Variants in AIM2 observed in about 807,000 individuals in gnomAD.
AIM2 encodes absent in melanoma 2.
AIM2 carries 30 observed loss-of-function variants against 27.7 expected under a neutral mutation model. That is an observed-to-expected ratio of 1.08 (90% CI 0.81 to 1.47). The LOEUF is 1.47. Ranked by LOEUF, AIM2 falls within the 40% of genes most tolerant of loss-of-function variation. The pLI is 0.00. For synonymous variants in AIM2, 141 were observed against 145.3 expected, an observed-to-expected ratio of 0.97 and a Z score of 0.21; for missense variants, 358 against 411.3, an observed-to-expected ratio of 0.87 and a Z score of 1.12.
At chr1:159,143,568 C>T (rs977993174), upstream of AIM2, among the ~76,000 whole-genome samples, 19 of 144,792 alleles carry the variant, frequency 1.3e-4, no homozygotes, top group Non-Finnish European at 7.5e-5. Flanking sequence ...TACTTACTGC[C>T]AGGCTCAGTG....
At chr1:159,080,441 G>C (rs1408011274), upstream of AIM2, among the ~76,000 whole-genome samples, 2 of 152,160 alleles carry the variant, frequency 1.3e-5, 1 homozygote, top group Non-Finnish European at 2.9e-5. Context: ...ATCATATAAA[G>C]AATTGTTCAG....
Position 159,074,306 on chromosome 1 carries a change from G to A in AIM2, c.-20-787C>T, listed in dbSNP as rs530651398. 3.3e-5 allele frequency among the ~76,000 whole-genome samples: 5 copies of A among 152,082 alleles called. No homozygotes were observed. The South Asian group carries it at 8.3e-4, about 25-fold the overall frequency. On this transcript the variant is annotated intron_variant, in intron 1 of 5. Coordinates refer to ENST00000368130, the MANE Select transcript of AIM2 (RefSeq NM_004833.3). ...TTATGTCTTCCTGTAAGAATTTTAC[G>A]GTTTGATCATTTCACATTTGGCTGT...
intron 1 of AIM2, among the ~76,000 whole-genome samples, chr1:159,105,030 C>T (rs1420247017): frequency 6.6e-6 from 1 of 152,230 alleles, no homozygotes; most frequent in Admixed American, 6.5e-5. Context: ...GCTCATTCCA[C>T]CCACTCAGCC....
At position 159,068,828 on chromosome 1, in the gene AIM2, T is replaced by TA. The variant is rs202237247; in HGVS notation, c.263-128dup. On this transcript the variant is annotated intron_variant, in intron 2 of 5. Coordinates refer to ENST00000368130, the MANE Select transcript of AIM2 (RefSeq NM_004833.3). Reference sequence around the variant, plus strand: ...ATCTTCAAGAACAGCTAATTTTTCTTAAAAAAAAATCATATTTTAAAATGA... The same window carrying TA: ...ATCTTCAAGAACAGCTAATTTTTCTTAAAAAAAAAATCATATTTTAAAATGA... 4,970 of 989,504 alleles carry TA rather than the reference T, an allele frequency of 5.0e-3. 35 individuals are homozygous for TA. Among genetic ancestry groups the TA allele is most frequent in the African/African-American group, 0.031 (1,778 of 58,150 alleles). 61.3% of individuals were successfully genotyped at this position (989,504 alleles called of 1,614,324 possible).
At chr1:159,095,102 G>C (rs1307711652) in intron 1 of AIM2, among the ~76,000 whole-genome samples, 1 of 152,108 alleles carries the variant, frequency 6.6e-6, no homozygotes, top group African/African-American at 2.4e-5. Context: ...AAGCACTACA[G>C]GTATTAACTC....
intron 1 of AIM2, among the ~76,000 whole-genome samples, chr1:159,113,527 G>A (rs1026758857): frequency 6.6e-6 from 1 of 152,138 alleles, no homozygotes; most frequent in South Asian, 2.1e-4. Flanking sequence ...AATAAAAGAC[G>A]ACTTCTATAC....
chr1:159,069,326 C>T (rs1656250552), intron 2 of AIM2, among the ~76,000 whole-genome samples: 1 of 151,986 alleles, frequency 6.6e-6, no homozygotes, highest in African/African-American at 2.4e-5. Flanking sequence ...TACAAACATA[C>T]AAAGATAAGT....
intron 4 of AIM2, 56 bp from the exon 5 acceptor site, chr1:159,063,730 C>T: frequency 6.6e-7 from 1 of 1,526,462 alleles, no homozygotes; most frequent in Non-Finnish European, 9.0e-7. Flanking sequence ...AATGCCGCAT[C>T]AGTCACACAT....
Position 159,075,820 on chromosome 1 carries a change from G to T in AIM2, c.-21+813C>A, listed in dbSNP as rs572921174. Among the ~76,000 whole-genome samples, 9 of 152,238 alleles carry T rather than the reference G, an allele frequency of 5.9e-5. No individual in the cohort carries two copies. The East Asian group carries it at 1.7e-3, about 29-fold the overall frequency. On this transcript the variant is annotated intron_variant, in intron 1 of 5. Coordinates refer to ENST00000368130, the MANE Select transcript of AIM2 (RefSeq NM_004833.3). ...CAGAGCAGCAACATATAAAGTGGAAGAAATAAGCCAAAGAACAGGAAAAGA... is the reference window on the plus strand; with the variant it reads ...CAGAGCAGCAACATATAAAGTGGAATAAATAAGCCAAAGAACAGGAAAAGA...
At chr1:159,097,291 A>G (rs559490813) in intron 1 of AIM2, among the ~76,000 whole-genome samples, 1 of 152,170 alleles carries the variant, frequency 6.6e-6, no homozygotes, top group African/African-American at 2.4e-5. Context: ...ATCTCCCCAA[A>G]TTTCATAACA....
chr1:159,068,106 G>A (rs1656185491), intron 3 of AIM2, among the ~76,000 whole-genome samples: 1 of 152,130 alleles, frequency 6.6e-6, no homozygotes, highest in African/African-American at 2.4e-5. Context: ...GCCTGGGCCT[G>A]TACAAACCAC....
At position 159,112,428 on chromosome 1, in the gene AIM2, A is replaced by C. The variant is rs186245427; in HGVS notation, c.-16+28003T>G. Among the ~76,000 whole-genome samples, 20 of 152,326 alleles carry C rather than the reference A, an allele frequency of 1.3e-4. No individual in the cohort carries two copies. The East Asian group carries it at 3.7e-3, about 28-fold the overall frequency. The stretch of plus-strand genomic sequence containing the variant: ...CTCATTAAATAGACTTAACAGATAT[A>C]AACAAAAATTGAGAGACCTCAAGGA... On this transcript the variant is annotated intron_variant, in intron 1 of 2. Coordinates refer to the AIM2 transcript ENST00000368129.
At chr1:159,077,158 A>T (rs1285020973), upstream of AIM2, among the ~76,000 whole-genome samples, 2 of 152,246 alleles carry the variant, frequency 1.3e-5, no homozygotes, top group African/African-American at 2.4e-5. Flanking sequence ...GAAAGTATAG[A>T]CATTTTATTG....
intron 4 of AIM2, among the ~76,000 whole-genome samples, chr1:159,064,781 A>G (rs2101964456): frequency 6.6e-6 from 1 of 152,320 alleles, no homozygotes; most frequent in East Asian, 1.9e-4. Flanking sequence ...GAGCTATTTA[A>G]AACAAGTCCA....
chr1:159,073,228 C>G lies in AIM2; in HGVS notation c.262+10G>C. ...AAAGGGACGGGGCAGGTGTGGAACT[C>G]CCACATTACCTTTCTCCTTCTCCTC... On this transcript the variant is annotated intron_variant, in intron 2 of 5. Coordinates refer to ENST00000368130, the MANE Select transcript of AIM2 (RefSeq NM_004833.3). 1 of 1,613,734 alleles carries G rather than the reference C, an allele frequency of 6.2e-7. No homozygotes were observed.
intron 1 of AIM2, among the ~76,000 whole-genome samples, chr1:159,106,330 C>A (rs1327616506): frequency 2.6e-5 from 4 of 152,236 alleles, no homozygotes; most frequent in Non-Finnish European, 5.9e-5. Context: ...CTGCTACAGC[C>A]AGCATCTTCA....
intron 1 of AIM2, among the ~76,000 whole-genome samples, chr1:159,102,337 G>A (rs1657334247): frequency 6.6e-6 from 1 of 152,366 alleles, no homozygotes; most frequent in Middle Eastern, 3.4e-3. Flanking sequence ...CTAGGCAGAG[G>A]TGTGCTGCAG....
At chr1:159,082,945 T>C (rs942514334) in intron 1 of AIM2, among the ~76,000 whole-genome samples, 1 of 152,176 alleles carries the variant, frequency 6.6e-6, no homozygotes, top group East Asian at 1.9e-4. Flanking sequence ...GTGTGAGATA[T>C]ATGTGTAAGT....
At chr1:159,090,066 C>T (rs1311796529) in intron 1 of AIM2, among the ~76,000 whole-genome samples, 3 of 152,188 alleles carry the variant, frequency 2.0e-5, no homozygotes, top group Admixed American at 6.5e-5. Flanking sequence ...AGGTCACAGC[C>T]TTCTTGCCTC....
Sources: allele counts gnomAD v4.1 joint callset (sites outside exome capture counted in the v4.1 genomes callset), GRCh38; gene constraint gnomAD v4.1.1; transcripts MANE v1.5; gene names NCBI Gene and HGNC (gene_info 2026-07-23, HGNC 2026-07-21).